The following ASPH variants were observed in gnomAD, a reference collection of about 807,000 sequenced individuals.
ASPH encodes the protein aspartate beta-hydroxylase, also known as aspartyl/asparaginyl beta-hydroxylase.
In ASPH, 100 loss-of-function variants were observed where a neutral mutation model predicts 118.4. The ratio of observed to expected loss-of-function variants is 0.84; its 90% CI spans 0.72 to 1.00. The LOEUF is 1.00. Among genes scored for constraint, ASPH ranks in the 50% least tolerant of loss-of-function variants. The pLI is 0.00. For synonymous variants in ASPH, 315 were observed against 325.6 expected (o/e 0.97, Z 0.35); for missense variants, 920 against 919.5 (o/e 1.00, Z -0.01).
In ASPH at chr8:61,567,326, A is replaced by ATTATCC; in HGVS notation, c.1150-9_1150-8insGGATAA. On this transcript the variant is annotated splice_polypyrimidine_tract_variant and intron_variant, in intron 16 of 24. Coordinates refer to ENST00000379454, the MANE Select transcript of ASPH (RefSeq NM_004318.4). ...AGCCAAATCATCCTCACACTAGAAG[A>ATTATCC]AGTCCCCAGACTGGATAAATGTCCC... is the stretch of plus-strand genomic sequence containing the variant. 1 of 1,611,826 alleles carries ATTATCC rather than the reference A, an allele frequency of 6.2e-7. No individual in the cohort carries two copies. Among genetic ancestry groups the ATTATCC allele is most frequent in the East Asian group, 2.2e-5 (1 of 44,814 alleles).
At chr8:61,588,274 C>G (rs1243512340) in intron 14 of ASPH, among the ~76,000 whole-genome samples, 1 of 152,166 alleles carries the variant, frequency 6.6e-6, no homozygotes, top group Non-Finnish European at 1.5e-5. Flanking sequence ...ATCCTTACTT[C>G]CCTTGCCAGG....
At chr8:61,668,679 C>A in intron 3 of ASPH, among the ~76,000 whole-genome samples, 1 of 152,064 alleles carries the variant, frequency 6.6e-6, no homozygotes, top group East Asian at 1.9e-4. Flanking sequence ...ACTTGCCATC[C>A]AAAAAAGGAT....
At chr8:61,590,702 T>C (rs772866553) in intron 14 of ASPH, among the ~76,000 whole-genome samples, 5 of 152,098 alleles carry the variant, frequency 3.3e-5, no homozygotes, top group African/African-American at 9.7e-5. Flanking sequence ...CTTTCACAAA[T>C]TGGCCCCTAA....
chr8:61,664,019 A>AT lies in ASPH; in HGVS notation c.323-10360dup, dbSNP rs1371381639. Reference sequence around the variant, plus strand: ...TAAAAAATAAAATCTTAGTGGTAGCATTTTTGATTCTGTTGTTAATAAGGT... The same window carrying AT: ...TAAAAAATAAAATCTTAGTGGTAGCATTTTTTGATTCTGTTGTTAATAAGGT... On this transcript the variant is annotated intron_variant, in intron 3 of 24. Coordinates refer to ENST00000379454, the MANE Select transcript of ASPH (RefSeq NM_004318.4). The AT allele has an allele frequency of 3.3e-6, 3 of 898,060 alleles. No homozygotes were observed. In the African/African-American group the frequency reaches 5.4e-5, roughly 16 times the overall value. 55.6% of individuals were successfully genotyped at this position (898,060 alleles called of 1,614,324 possible).
chr8:61,524,104 C>T (rs1299607604), intron 22 of ASPH, among the ~76,000 whole-genome samples: 3 of 152,152 alleles, frequency 2.0e-5, no homozygotes, highest in African/African-American at 7.2e-5. Context: ...GTTGAAGCAA[C>T]TACAACAGAT....
intron 16 of ASPH, among the ~76,000 whole-genome samples, chr8:61,569,549 C>T (rs1832833613): frequency 6.6e-6 from 1 of 151,614 alleles, no homozygotes; most frequent in Non-Finnish European, 1.5e-5. Flanking sequence ...AGAATCAGCA[C>T]AAATTGACAA....
At chr8:61,665,072 T>C in intron 3 of ASPH, 1 of 1,340,218 alleles carries the variant, frequency 7.5e-7, no homozygotes, top group East Asian at 2.8e-5. Flanking sequence ...TTTTTACATT[T>C]AGAAGTATGA....
chr8:61,633,767 TG>T (rs1856604560), intron 12 of ASPH, 40 bp from the exon 13 acceptor site: 1 of 1,425,704 alleles, frequency 7.0e-7, no homozygotes, highest in Non-Finnish European at 9.6e-7. Flanking sequence ...TACATATTGC[TG>T]ATCAGTGTTT....
chr8:61,636,417 C>G (rs1443263724), intron 12 of ASPH, among the ~76,000 whole-genome samples: 1 of 152,116 alleles, frequency 6.6e-6, no homozygotes, highest in Non-Finnish European at 1.5e-5. Flanking sequence ...TGTTTCTGGT[C>G]TGGGAATCCA....
intron 1 of ASPH, among the ~76,000 whole-genome samples, chr8:61,705,447 G>A (rs1326632602): frequency 6.6e-6 from 1 of 152,080 alleles, no homozygotes; most frequent in African/African-American, 2.4e-5. Flanking sequence ...AATACTATTT[G>A]ACAATAAAAA....
intron 18 of ASPH, among the ~76,000 whole-genome samples, chr8:61,560,619 C>A (rs1829473514): frequency 6.6e-6 from 1 of 152,012 alleles, no homozygotes; most frequent in Admixed American, 6.6e-5. Flanking sequence ...AAAAAAAACT[C>A]ATTCAATTGA....
chr8:61,668,360 T>C, intron 3 of ASPH: 1 of 1,012,562 alleles, frequency 9.9e-7, no homozygotes, highest in Non-Finnish European at 1.5e-6. Context: ...ATAGGTAAAA[T>C]CAATGCCACT....
chr8:61,578,322 T>A, intron 15 of ASPH: 2 of 1,603,636 alleles, frequency 1.2e-6, no homozygotes, highest in Admixed American at 3.3e-5. Flanking sequence ...CCACATCAGC[T>A]CCTCGAGCTT....
chr8:61,556,454 CTTAA>C lies in ASPH; in HGVS notation c.1438-436_1438-433del, dbSNP rs1827912289. 2.6e-5 allele frequency among the ~76,000 whole-genome samples: 4 copies of C among 152,228 alleles called. No individual in the cohort carries two copies. In the South Asian group the frequency reaches 8.3e-4, roughly 32 times the overall value. On this transcript the variant is annotated intron_variant, in intron 18 of 24. Coordinates refer to ENST00000379454, the MANE Select transcript of ASPH (RefSeq NM_004318.4). ...TTCATATACAAGCTTTATACATTGC[CTTAA>C]TTAAGAGAAAATTTAGATTTGCATT...
intron 22 of ASPH, among the ~76,000 whole-genome samples, chr8:61,521,682 C>T (rs895082005): frequency 6.6e-6 from 1 of 152,212 alleles, no homozygotes; most frequent in Non-Finnish European, 1.5e-5. Context: ...TTATTTCTCA[C>T]CAGCGTTAAA....
intron 1 of ASPH, among the ~76,000 whole-genome samples, chr8:61,705,921 C>G (rs1836497602): frequency 6.6e-6 from 1 of 152,162 alleles, no homozygotes; most frequent in South Asian, 2.1e-4. Flanking sequence ...GCAAATCTAT[C>G]AAAATGTTAA....
At chr8:61,590,025 G>T (rs1456884276) in intron 14 of ASPH, among the ~76,000 whole-genome samples, 11 of 152,116 alleles carry the variant, frequency 7.2e-5, no homozygotes, top group African/African-American at 2.4e-4. Context: ...AACCTTTATT[G>T]TTAGGTTTTT....
At chr8:61,696,587 A>G (rs1692317695) in intron 1 of ASPH, among the ~76,000 whole-genome samples, 1 of 152,178 alleles carries the variant, frequency 6.6e-6, no homozygotes, top group Non-Finnish European at 1.5e-5. Flanking sequence ...TCCTCAAGCC[A>G]GGCCTAATGA....
chr8:61,590,277 T>C (rs1316828971), intron 14 of ASPH, among the ~76,000 whole-genome samples: 2 of 152,108 alleles, frequency 1.3e-5, no homozygotes, highest in Non-Finnish European at 2.9e-5. Flanking sequence ...CAAAAGCCAG[T>C]AGAGTCCAGA....
Sources: allele counts gnomAD v4.1 joint callset (sites outside exome capture counted in the v4.1 genomes callset), GRCh38; gene constraint gnomAD v4.1.1; transcripts MANE v1.5; gene names NCBI Gene and HGNC (gene_info 2026-07-23, HGNC 2026-07-21).